Variants in EPB41L3 observed in about 807,000 individuals in gnomAD.
The protein encoded by EPB41L3 is erythrocyte membrane protein band 4.1 like 3.
EPB41L3 carries 57 observed loss-of-function variants against 127.1 expected under a neutral mutation model. That is an observed-to-expected ratio of 0.45 (90% CI 0.36 to 0.56). EPB41L3 has a LOEUF of 0.56. Among genes scored for constraint, EPB41L3 ranks in the 20% least tolerant of loss-of-function variants. EPB41L3 has a pLI of 0.00. For missense variants in EPB41L3, 1,273 were observed against 1,372.2 expected (o/e 0.93, Z 1.14); for synonymous variants, 572 against 549.5 (o/e 1.04, Z -0.57).
chr18:5,606,285 A>G (rs1182899855), intron 3 of EPB41L3, among the ~76,000 whole-genome samples: 1 of 152,230 alleles, frequency 6.6e-6, no homozygotes, highest in Non-Finnish European at 1.5e-5. Context: ...GGTTATATCG[A>G]TAACATCTTT....
At position 5,478,349 on chromosome 18, in the gene EPB41L3, T is replaced by A. The variant is rs376036017; in HGVS notation, c.273A>T (p.Ser91=). 26 of 1,614,092 alleles carry A rather than the reference T, an allele frequency of 1.6e-5. No individual in the cohort carries two copies. The African/African-American group carries it at 2.8e-4, about 17-fold the overall frequency. ...GAGACCGAGAGAGTTTACTGCTAGATGATTTCTGAGAAAGTTTATCGTCTT... is the reference window on the plus strand; with the variant it reads ...GAGACCGAGAGAGTTTACTGCTAGAAGATTTCTGAGAAAGTTTATCGTCTT... ...QLEDDKLSQK[S]SSSKLSRSPL... The change falls in exon 3 of 23, where the codon TCA becomes TCT. Residue 91 remains serine, a synonymous_variant. Transcript: ENST00000341928.
In EPB41L3 at chr18:5,415,816, A is replaced by C; in HGVS notation, c.2067+2T>G. ...AAGCGTGTTCTATGCCGAGGTACACACCTCTTCCTCTGAACTGTCACTCGG... is the reference window on the plus strand; with the variant it reads ...AAGCGTGTTCTATGCCGAGGTACACCCCTCTTCCTCTGAACTGTCACTCGG... On this transcript the variant is annotated splice_donor_variant, in intron 13 of 22. Coordinates refer to ENST00000341928, the MANE Select transcript of EPB41L3 (RefSeq NM_012307.5). LOFTEE classifies it high-confidence loss of function. 1 of 1,610,948 alleles carries C rather than the reference A, an allele frequency of 6.2e-7. No individual in the cohort carries two copies. Among genetic ancestry groups the C allele is most frequent in the Non-Finnish European group, 8.5e-7 (1 of 1,179,282 alleles).
At chr18:5,544,995 T>A (rs2093851768), upstream of EPB41L3, among the ~76,000 whole-genome samples, 1 of 151,840 alleles carries the variant, frequency 6.6e-6, no homozygotes, top group Non-Finnish European at 1.5e-5. Flanking sequence ...ATTTAAGGCA[T>A]ACAACATAAG....
chr18:5,448,368 AT>A (rs925326215), intron 3 of EPB41L3, among the ~76,000 whole-genome samples: 4 of 151,504 alleles, frequency 2.6e-5, no homozygotes, highest in Admixed American at 6.6e-5. Flanking sequence ...AACCCAGATG[AT>A]TTTTTTTTCT....
intron 10 of EPB41L3, 51 bp downstream of exon 10, chr18:5,424,211 T>C: frequency 1.6e-6 from 2 of 1,266,166 alleles, no homozygotes; most frequent in Non-Finnish European, 2.2e-6. Context: ...TTTTTCAGTA[T>C]AAGTGATTAT....
At chr18:5,538,892 T>C (rs1460046827) in intron 1 of EPB41L3, among the ~76,000 whole-genome samples, 1 of 152,158 alleles carries the variant, frequency 6.6e-6, no homozygotes, top group Non-Finnish European at 1.5e-5. Context: ...GTAACAACCT[T>C]GTTATGAAGA....
rs759621846 is a variant in EPB41L3 at position 5,406,843 on chromosome 18, G to A, written c.2283C>T (p.Thr761=). The change falls in exon 16 of 23, where the codon ACC becomes ACT. Residue 761 remains threonine (T), a synonymous_variant. Coordinates refer to ENST00000341928, the MANE Select transcript of EPB41L3 (RefSeq NM_012307.5). ...VTNEWEKRLS[T]SPVRLAARQE... ...GCCTGGCGGCCAGTCGCACGGGGGA[G>A]GTGGAAAGCCTCTTCTCCCATTCAT... 9.3e-6 allele frequency: 15 copies of A among 1,614,088 alleles called. No homozygotes were observed. Among genetic ancestry groups the A allele is most frequent in the Middle Eastern group, 1.6e-4 (1 of 6,082 alleles).
intron 1 of EPB41L3, among the ~76,000 whole-genome samples, chr18:5,621,634 G>A (rs753141224): frequency 1.6e-4 from 25 of 152,110 alleles, no homozygotes; most frequent in Admixed American, 1.3e-4. Context: ...TCAGCTATTC[G>A]GGAGGCTGAG....
At chr18:5,499,407 T>C (rs1172963091) in intron 1 of EPB41L3, among the ~76,000 whole-genome samples, 2 of 152,152 alleles carry the variant, frequency 1.3e-5, no homozygotes, top group African/African-American at 4.8e-5. Flanking sequence ...GTTGCCAATA[T>C]GCCACCTTAT....
At chr18:5,431,754 G>C (rs548955439) in intron 8 of EPB41L3, among the ~76,000 whole-genome samples, 137 of 151,916 alleles carry the variant, frequency 9.0e-4, no homozygotes, top group Non-Finnish European at 1.3e-3. Context: ...TTTCCTTCTT[G>C]TTTCCTTATC....
chr18:5,499,589 G>A (rs528999077), intron 1 of EPB41L3, among the ~76,000 whole-genome samples: 2 of 151,732 alleles, frequency 1.3e-5, no homozygotes, highest in East Asian at 1.9e-4. Flanking sequence ...CAGTGAAACC[G>A]TATCTCTACC....
rs888700522 is a variant in EPB41L3 at position 5,394,996 on chromosome 18, A to G, written c.3153+71T>C. On this transcript the variant is annotated intron_variant, in intron 21 of 22. Coordinates refer to ENST00000341928, the MANE Select transcript of EPB41L3 (RefSeq NM_012307.5). ...ATACATGCTGGACTAGAGGAATAGC[A>G]TTGAAACTGTAGGACCAACAGGTTT... 4.1e-6 allele frequency: 6 copies of G among 1,461,030 alleles called. No individual in the cohort carries two copies. In the African/African-American group the frequency reaches 4.2e-5, roughly 10 times the overall value. 90.5% of individuals were successfully genotyped at this position (1,461,030 alleles called of 1,614,324 possible). A position where few individuals can be genotyped will look rare whatever the true frequency, so the allele number is the denominator to read the frequency against.
chr18:5,395,574 C>T, intron 20 of EPB41L3, 35 bp downstream of exon 20: 1 of 1,593,762 alleles, frequency 6.3e-7, no homozygotes, highest in East Asian at 2.2e-5. Flanking sequence ...AGCTCGCTCT[C>T]AAGGAATCCT....
At chr18:5,579,878 A>G (rs1164865497) in intron 3 of EPB41L3, among the ~76,000 whole-genome samples, 1 of 152,234 alleles carries the variant, frequency 6.6e-6, no homozygotes, top group Non-Finnish European at 1.5e-5. Context: ...TGAGGATTAG[A>G]GATGACGGTG....
chr18:5,420,844 C>T (rs879923827), intron 11 of EPB41L3, among the ~76,000 whole-genome samples: 1 of 152,052 alleles, frequency 6.6e-6, no homozygotes, highest in Non-Finnish European at 1.5e-5. Context: ...AATTTAAAAA[C>T]GTAAATAAAA....
chr18:5,428,323 C>T lies in EPB41L3; in HGVS notation c.1055G>A (p.Arg352Gln), dbSNP rs377615645. The T allele has an allele frequency of 2.0e-5, 32 of 1,613,962 alleles. No homozygotes were observed. The highest frequency in any genetic ancestry group is 5.5e-5 in the South Asian group (5 of 91,070). Residue 352 changes from arginine to glutamine, a missense_variant, in exon 9 of 23, where the codon CGG becomes CAG. Physicochemically the swap from Arg to Gln is conservative, Grantham distance 43. Around this residue, in one of 3 missense-constraint regions of EPB41L3, gnomAD observed 326 missense variants for 440.2 expected, o/e 0.74. Transcript: ENST00000341928. ...TGTGGGTATACTTACCTCTCCCGGC[C>T]GGATCTTAATGTAAAAGTTGTTCCG... ...YKRNNFYIKI[R>Q]PGEFEQFEST... is the part of the protein sequence containing the mutation.
In EPB41L3 at chr18:5,412,547, G is replaced by A. The variant is rs186456747; in HGVS notation, c.2068-1928C>T. Among the ~76,000 whole-genome samples, 549 of 152,278 alleles carry A rather than the reference G, an allele frequency of 3.6e-3. 1 individual carries two copies. The highest frequency in any genetic ancestry group is 6.8e-3 in the Middle Eastern group (2 of 294). ...CCAGCTCGAATGACTTGCATTTAGT[G>A]TTCTAATTAGCTGTGTCAAACACTT... On this transcript the variant is annotated intron_variant, in intron 13 of 22. Transcript: ENST00000341928.
At chr18:5,625,165 C>T (rs1480984438) in intron 1 of EPB41L3, among the ~76,000 whole-genome samples, 1 of 151,986 alleles carries the variant, frequency 6.6e-6, no homozygotes, top group Non-Finnish European at 1.5e-5. Context: ...ACAGAAGTGG[C>T]TTGAGGTTTG....
rs769729986 is a variant in EPB41L3, at chr18:5,416,132, G to A, written c.1753C>T (p.Leu585=). ...GGGAGCTGCAAGGAGAAGGAGAACAGGGTGGTCCCCTTGCCAGTTTGCTGT... is the reference window on the plus strand; with the variant it reads ...GGGAGCTGCAAGGAGAAGGAGAACAAGGTGGTCCCCTTGCCAGTTTGCTGT... The part of the protein sequence containing the change: ...YRQQTGKGTT[L]FSFSLQLPES... The change falls in exon 13 of 23, where the codon CTG becomes TTG. Residue 585 remains leucine (L), a synonymous_variant. Transcript: ENST00000341928. 1 of 1,613,736 alleles carries A rather than the reference G, an allele frequency of 6.2e-7. No homozygotes were observed. Among genetic ancestry groups the A allele is most frequent in the Non-Finnish European group, 8.5e-7 (1 of 1,179,764 alleles).
Sources: allele counts gnomAD v4.1 joint callset (sites outside exome capture counted in the v4.1 genomes callset), GRCh38; gene constraint gnomAD v4.1.1; regional missense constraint gnomAD v4.1.1; transcripts MANE v1.5; gene names NCBI Gene and HGNC (gene_info 2026-07-23, HGNC 2026-07-21).